Variants in SMARCC1 observed in about 807,000 individuals in gnomAD.
SMARCC1 encodes SWI/SNF complex subunit SMARCC1.
Under a neutral mutation model 147.4 loss-of-function variants are expected in SMARCC1, and 43 were observed. The ratio of observed to expected loss-of-function variants is 0.29; its 90% CI spans 0.23 to 0.38. The LOEUF (loss-of-function observed/expected upper bound fraction) is 0.38, where lower values mean the gene tolerates loss of function less well. Among genes scored for constraint, SMARCC1 ranks in the 10% least tolerant of loss-of-function variants. SMARCC1 has a pLI of 1.00. For synonymous variants in SMARCC1, 495 were observed against 484.4 expected, an observed-to-expected ratio of 1.02 and a Z score of -0.29; for missense variants, 1,119 against 1,381.1, an observed-to-expected ratio of 0.81 and a Z score of 3.01.
At chr3:47,661,748 C>T (rs1452834256) in intron 20 of SMARCC1, among the ~76,000 whole-genome samples, 2 of 151,924 alleles carry the variant, frequency 1.3e-5, no homozygotes, top group Non-Finnish European at 2.9e-5. Context: ...ATTTTAACTG[C>T]TTACTAGATT....
intron 5 of SMARCC1, among the ~76,000 whole-genome samples, chr3:47,734,388 C>CA (rs1379949770): frequency 6.6e-6 from 1 of 152,142 alleles, no homozygotes; most frequent in Non-Finnish European, 1.5e-5. Context: ...AGAATGTACT[C>CA]AATCTATAAT....
At chr3:47,685,597 C>T (rs903875381) in intron 14 of SMARCC1, among the ~76,000 whole-genome samples, 10 of 149,888 alleles carry the variant, frequency 6.7e-5, no homozygotes, top group Admixed American at 6.6e-4. Flanking sequence ...CGGTGGCTCA[C>T]GCCTGTAATC....
At chr3:47,740,112 G>GCACACCT (rs1442447161) in intron 3 of SMARCC1, among the ~76,000 whole-genome samples, 1 of 143,082 alleles carries the variant, frequency 7.0e-6, no homozygotes, top group Non-Finnish European at 1.5e-5. Flanking sequence ...TCAGGTGATC[G>GCACACCT]CACACCTCAG....
At chr3:47,636,808 G>A (rs1277510500) in intron 22 of SMARCC1, among the ~76,000 whole-genome samples, 2 of 150,782 alleles carry the variant, frequency 1.3e-5, no homozygotes, top group African/African-American at 4.9e-5. Context: ...GTGTGTGTGT[G>A]TGTGTGTGTG....
At chr3:47,660,653 A>T (rs920221340) in intron 21 of SMARCC1, among the ~76,000 whole-genome samples, 1 of 152,178 alleles carries the variant, frequency 6.6e-6, no homozygotes, top group Non-Finnish European at 1.5e-5. Flanking sequence ...GATTCTGTTT[A>T]TATTAAATGT....
chr3:47,687,299 C>T (rs1169542517), intron 13 of SMARCC1, among the ~76,000 whole-genome samples: 8 of 152,180 alleles, frequency 5.3e-5, no homozygotes, highest in South Asian at 2.1e-4. Flanking sequence ...TCAATGTTCA[C>T]CTGTTTTTAT....
At chr3:47,775,835 T>C (rs1447788513) in intron 1 of SMARCC1, among the ~76,000 whole-genome samples, 1 of 151,450 alleles carries the variant, frequency 6.6e-6, no homozygotes, top group Non-Finnish European at 1.5e-5. Flanking sequence ...AGACCTGCTA[T>C]GTACCCACAA....
At chr3:47,773,204 T>C (rs2034935965) in intron 1 of SMARCC1, among the ~76,000 whole-genome samples, 1 of 151,978 alleles carries the variant, frequency 6.6e-6, no homozygotes, top group African/African-American at 2.4e-5. Flanking sequence ...CTCGGCTCAC[T>C]GCAACCTCTG....
chr3:47,641,132 C>T (rs2033042405), intron 21 of SMARCC1, among the ~76,000 whole-genome samples: 1 of 152,156 alleles, frequency 6.6e-6, no homozygotes, highest in African/African-American at 2.4e-5. Flanking sequence ...GACAAGAATA[C>T]AAATATTACT....
intron 24 of SMARCC1, among the ~76,000 whole-genome samples, chr3:47,623,655 T>C (rs1002379298): frequency 2.6e-5 from 4 of 152,176 alleles, no homozygotes; most frequent in South Asian, 4.1e-4. Context: ...GGCATTATCA[T>C]TGTACAATGT....
chr3:47,654,548 GC>G (rs1263947948), intron 21 of SMARCC1, among the ~76,000 whole-genome samples: 2 of 152,148 alleles, frequency 1.3e-5, no homozygotes, highest in Non-Finnish European at 2.9e-5. Context: ...TGCTATAAAA[GC>G]CTATCTGAAA....
At chr3:47,700,468 T>C (rs2033904072) in intron 11 of SMARCC1, among the ~76,000 whole-genome samples, 1 of 152,218 alleles carries the variant, frequency 6.6e-6, no homozygotes, top group Non-Finnish European at 1.5e-5. Flanking sequence ...AAACATTTAA[T>C]GGTCAATAAA....
intron 7 of SMARCC1, among the ~76,000 whole-genome samples, chr3:47,719,413 T>A (rs2034202973): frequency 6.6e-6 from 1 of 151,880 alleles, no homozygotes; most frequent in Non-Finnish European, 1.5e-5. Context: ...AAAAGCAAAC[T>A]GATCAGGCTG....
intron 21 of SMARCC1, among the ~76,000 whole-genome samples, chr3:47,646,072 C>G (rs2033117438): frequency 6.6e-6 from 1 of 152,080 alleles, no homozygotes; most frequent in Admixed American, 6.6e-5. Context: ...GTAACCCCAG[C>G]ACTTTGGGAG....
chr3:47,712,884 TAC>T (rs1287913786), intron 8 of SMARCC1, among the ~76,000 whole-genome samples: 2 of 152,348 alleles, frequency 1.3e-5, no homozygotes, highest in East Asian at 3.9e-4. Context: ...CCAGTTCTGA[TAC>T]TATAATCTAC....
At position 47,777,192 on chromosome 3, in the gene SMARCC1, C is replaced by T. The variant is rs2034985409; in HGVS notation, c.196-4256G>A. 2.0e-5 allele frequency among the ~76,000 whole-genome samples: 3 copies of T among 151,774 alleles called. No individual in the cohort carries two copies. The South Asian group carries it at 6.2e-4, about 32-fold the overall frequency. The stretch of plus-strand genomic sequence containing the variant: ...CTGCCCACCGGGTTCCAGCGATTCT[C>T]CTGCCTCAGCCTCCTGGGTAGCTGG... On this transcript the variant is annotated intron_variant, in intron 1 of 27. Coordinates refer to ENST00000254480, the MANE Select transcript of SMARCC1 (RefSeq NM_003074.4).
At chr3:47,708,083 CTTTT>C (rs915291740) in intron 9 of SMARCC1, among the ~76,000 whole-genome samples, 15 of 64,274 alleles carry the variant, frequency 2.3e-4, no homozygotes, top group African/African-American at 6.6e-4. Flanking sequence ...AATTTTTTTT[CTTTT>C]TTTTTTTTTT....
intron 26 of SMARCC1, among the ~76,000 whole-genome samples, chr3:47,594,658 A>G (rs1457768191): frequency 6.6e-6 from 1 of 152,218 alleles, no homozygotes; most frequent in East Asian, 1.9e-4. Context: ...CCAGCTGATC[A>G]ATAAAAATTT....
In SMARCC1 at chr3:47,656,699, G is replaced by C. The variant is rs568601048; in HGVS notation, c.2320+4595C>G. Among the ~76,000 whole-genome samples the C allele has an allele frequency of 2.0e-5, 3 of 152,146 alleles. No individual in the cohort carries two copies. The South Asian group carries it at 6.2e-4, about 32-fold the overall frequency. On this transcript the variant is annotated intron_variant, in intron 21 of 27. Coordinates refer to ENST00000254480, the MANE Select transcript of SMARCC1 (RefSeq NM_003074.4). ...GGAGGCAGACATGGGTGGATCACTT[G>C]AGCCAAGGAGTTCGAGACCAGCCAG... is the stretch of plus-strand genomic sequence containing the variant.
Sources: gnomAD v4.1 joint callset for allele counts (sites outside exome capture counted in the v4.1 genomes callset) on GRCh38, gnomAD v4.1.1 for gene constraint, MANE v1.5 for transcripts, NCBI Gene and HGNC (gene_info 2026-07-23, HGNC 2026-07-21) for gene names.